The following MELK variants were observed in gnomAD, a reference collection of about 807,000 sequenced individuals.
MELK encodes maternal embryonic leucine zipper kinase, also known as pEg3 kinase.
Under a neutral mutation model 85.0 loss-of-function variants are expected in MELK, and 81 were observed. The observed-to-expected ratio is 0.95, with a 90% CI of 0.80 to 1.15. The LOEUF (loss-of-function observed/expected upper bound fraction) is 1.15. Ranked by LOEUF, MELK falls within the 50% of genes most tolerant of loss-of-function variation. The probability of loss-of-function intolerance (pLI) is 0.00; values close to 1 mark genes in which losing one functional copy is unlikely to be tolerated. For missense variants in MELK, 754 were observed against 777.5 expected (o/e 0.97, Z 0.36); for synonymous variants, 252 against 265.0 (o/e 0.95, Z 0.48).
At chr9:36,577,394 T>A (rs1821766813) in intron 1 of MELK, among the ~76,000 whole-genome samples, 1 of 152,130 alleles carries the variant, frequency 6.6e-6, no homozygotes, top group African/African-American at 2.4e-5. Context: ...TGTTCGCCTG[T>A]AGTCCCAGCT....
At chr9:36,600,135 C>A (rs1047670261) in intron 7 of MELK, among the ~76,000 whole-genome samples, 1 of 151,896 alleles carries the variant, frequency 6.6e-6, no homozygotes, top group Admixed American at 6.6e-5. Context: ...ACTCTGTCAC[C>A]CAGGCTGGAG....
chr9:36,598,743 C>T (rs1185729159), intron 6 of MELK, among the ~76,000 whole-genome samples: 1 of 152,044 alleles, frequency 6.6e-6, no homozygotes, highest in East Asian at 1.9e-4. Context: ...CCCCGGGATA[C>T]TTGGGGATGG....
chr9:36,618,125 TA>T (rs557742638), intron 8 of MELK, among the ~76,000 whole-genome samples: 3,542 of 142,856 alleles, frequency 0.025, 80 homozygotes, highest in African/African-American at 0.063. Flanking sequence ...TCCATGTCTT[TA>T]AAAAAAAAAA....
At chr9:36,582,479 G>T (rs991598137) in intron 2 of MELK, among the ~76,000 whole-genome samples, 1 of 151,836 alleles carries the variant, frequency 6.6e-6, no homozygotes, top group South Asian at 2.1e-4. Context: ...TGTGGATGAG[G>T]GTGATGTAAA....
intron 13 of MELK, among the ~76,000 whole-genome samples, chr9:36,660,514 G>T (rs1445677382): frequency 6.6e-6 from 1 of 151,820 alleles, no homozygotes; most frequent in Non-Finnish European, 1.5e-5. Context: ...TAGAGACAGG[G>T]TCTCAATATT....
At chr9:36,586,364 AAG>A (rs2135193891) in intron 3 of MELK, among the ~76,000 whole-genome samples, 1 of 152,220 alleles carries the variant, frequency 6.6e-6, no homozygotes, top group East Asian at 1.9e-4. Context: ...AAAAAAGTCA[AAG>A]AGTATGTAAG....
chr9:36,657,508 A>C (rs1831371150), intron 13 of MELK, 145 bp downstream of exon 13: 1 of 861,194 alleles, frequency 1.2e-6, no homozygotes, highest in Admixed American at 3.5e-5. Flanking sequence ...CTGGAATACG[A>C]ATGAAAGGGA....
At position 36,621,275 on chromosome 9, in the gene MELK, GAAAAAAAAAAA is replaced by G. The variant is rs74181196; in HGVS notation, c.667-8992_667-8982del. 5.6e-3 allele frequency among the ~76,000 whole-genome samples: 182 copies of G among 32,362 alleles called. 1 individual carries two copies. The highest frequency in any genetic ancestry group is 0.021 in the East Asian group (17 of 818). The allele number at this position is 32,362 out of a possible 152,430, so 21.2% of individuals were successfully genotyped here. ...TGACAGAGTGAGACTCTGTCTCAGG[GAAAAAAAAAAA>G]AAAAAAAAAAAAAAAAAAAAAAAAA... On this transcript the variant is annotated intron_variant, in intron 8 of 17. Transcript: ENST00000298048.
Position 36,677,015 on chromosome 9 carries a change from A to T in MELK, c.1779-145A>T, listed in dbSNP as rs1055799742. ...CATACTCTATTACTAAAGCATAGCTAGGTCATTTGGAAACTGTAAACAGTA... is the reference window on the plus strand; with the variant it reads ...CATACTCTATTACTAAAGCATAGCTTGGTCATTTGGAAACTGTAAACAGTA... On this transcript the variant is annotated intron_variant, in intron 17 of 17. Coordinates refer to ENST00000298048, the MANE Select transcript of MELK (RefSeq NM_014791.4). The T allele has an allele frequency of 6.5e-6, 4 of 612,822 alleles. No individual in the cohort carries two copies. The African/African-American group carries it at 7.4e-5, about 11-fold the overall frequency. The allele number at this position is 612,822 out of a possible 1,614,324, so 38.0% of individuals were successfully genotyped here.
intron 8 of MELK, among the ~76,000 whole-genome samples, chr9:36,615,057 G>T (rs1236678895): frequency 7.0e-6 from 1 of 142,436 alleles, no homozygotes. Flanking sequence ...GCAGCTGGCC[G>T]GGCGGGGGGG....
At chr9:36,670,971 T>C in intron 15 of MELK, 27 bp from the exon 16 acceptor site, 1 of 1,589,098 alleles carries the variant, frequency 6.3e-7, no homozygotes, top group Admixed American at 1.8e-5. Context: ...CAGCTCTACT[T>C]GTGCCTTGTT....
Position 36,665,346 on chromosome 9 carries a change from C to T in MELK, c.1177-4C>T. On this transcript the variant is annotated splice_polypyrimidine_tract_variant and splice_region_variant and intron_variant, in intron 13 of 17. Transcript: ENST00000298048. ...TGCTTTATCTAGTAACTTTTTTTTT[C>T]CAGTTTACCAAGTACTGGACAGAAT... The T allele has an allele frequency of 5.8e-6, 9 of 1,562,568 alleles. No individual in the cohort carries two copies. Among genetic ancestry groups the T allele is most frequent in the Admixed American group, 2.0e-5 (1 of 50,732 alleles).
intron 15 of MELK, 70 bp downstream of exon 15, chr9:36,669,476 TAG>T: frequency 9.5e-7 from 1 of 1,054,300 alleles, no homozygotes; most frequent in Non-Finnish European, 1.4e-6. Flanking sequence ...CATGTATTAA[TAG>T]ACCTGATTAA....
chr9:36,640,001 C>T (rs1049377230), intron 10 of MELK, among the ~76,000 whole-genome samples: 1 of 152,144 alleles, frequency 6.6e-6, no homozygotes, highest in Admixed American at 6.5e-5. Flanking sequence ...GGGAAATCTA[C>T]AGTTCTAGGA....
chr9:36,671,189 A>G (rs1363234997), intron 16 of MELK, 23 bp downstream of exon 16: 2 of 1,541,688 alleles, frequency 1.3e-6, no homozygotes, highest in Non-Finnish European at 1.7e-6. Context: ...GAATTCTTTC[A>G]TATGGAGCAG....
intron 9 of MELK, among the ~76,000 whole-genome samples, chr9:36,631,349 C>T (rs1366135184): frequency 6.6e-6 from 1 of 151,948 alleles, no homozygotes; most frequent in East Asian, 1.9e-4. Flanking sequence ...CCTCCGCTTC[C>T]TGGGTTCCCA....
Position 36,596,571 on chromosome 9 carries a change from T to G in MELK, c.406-651T>G, listed in dbSNP as rs1422224326. ...TGCGCCCGGCCCTTTTTGTTTTTTT[T>G]GTTTTTTTTGTTTTTTTTGTTTTTT... On this transcript the variant is annotated intron_variant, in intron 5 of 17. Coordinates refer to ENST00000298048, the MANE Select transcript of MELK (RefSeq NM_014791.4). 9.8e-5 allele frequency among the ~76,000 whole-genome samples: 12 copies of G among 122,892 alleles called. 1 individual carries two copies. The highest frequency in any genetic ancestry group is 5.7e-4 in the South Asian group (2 of 3,530). The allele number at this position is 122,892 out of a possible 152,430, so 80.6% of individuals were successfully genotyped here. A position where few individuals can be genotyped will look rare whatever the true frequency, so the allele number is the denominator to read the frequency against.
chr9:36,635,412 T>C (rs2265346), intron 10 of MELK, among the ~76,000 whole-genome samples: 1 of 152,000 alleles, frequency 6.6e-6, no homozygotes, highest in Non-Finnish European at 1.5e-5. Context: ...TACAGCCGCC[T>C]GCTACAACGT....
intron 16 of MELK, among the ~76,000 whole-genome samples, chr9:36,673,248 C>T (rs1833050250): frequency 6.6e-6 from 1 of 152,164 alleles, no homozygotes. Flanking sequence ...AGTGCTGGAT[C>T]AGGAACCAAG....
Sources: gnomAD v4.1 joint callset for allele counts (sites outside exome capture counted in the v4.1 genomes callset) on GRCh38, gnomAD v4.1.1 for gene constraint, MANE v1.5 for transcripts, NCBI Gene and HGNC (gene_info 2026-07-23, HGNC 2026-07-21) for gene names.